ITPK1: variants seen among roughly 807,000 people sequenced by gnomAD.
The protein encoded by ITPK1 is inositol 1,3,4-trisphosphate 5/6-kinase.
Under a neutral mutation model 45.3 loss-of-function variants are expected in ITPK1, and 21 were observed. The observed-to-expected ratio is 0.46, with a 90% CI of 0.33 to 0.67. ITPK1 has a LOEUF of 0.67. Among genes scored for constraint, ITPK1 ranks in the 30% least tolerant of loss-of-function variants. The probability of loss-of-function intolerance (pLI) is 0.02; values close to 1 mark genes in which losing one functional copy is unlikely to be tolerated. For missense variants in ITPK1, 474 were observed against 573.5 expected, an observed-to-expected ratio of 0.83 and a Z score of 1.77; for synonymous variants, 258 against 253.6, an observed-to-expected ratio of 1.02 and a Z score of -0.16.
At chr14:93,033,174 C>A (rs188881953) in intron 3 of ITPK1, among the ~76,000 whole-genome samples, 24 of 152,338 alleles carry the variant, frequency 1.6e-4, no homozygotes, top group Admixed American at 4.6e-4. Context: ...TTCCTGCAAT[C>A]CTACAGGTGA....
chr14:92,970,071 A>T (rs1349027191), intron 5 of ITPK1, among the ~76,000 whole-genome samples: 1 of 152,126 alleles, frequency 6.6e-6, no homozygotes, highest in South Asian at 2.1e-4. Flanking sequence ...CATCCACTCC[A>T]CCAGGTGACC....
chr14:93,072,093 A>G (rs1891031156), intron 3 of ITPK1: 1 of 151,522 alleles, frequency 6.6e-6, no homozygotes, highest in African/African-American at 2.4e-5. Context: ...CAGCAGTTCA[A>G]GACCAGCCTG....
intron 3 of ITPK1, among the ~76,000 whole-genome samples, chr14:93,028,132 T>C (rs1888839967): frequency 6.6e-6 from 1 of 152,234 alleles, no homozygotes; most frequent in Non-Finnish European, 1.5e-5. Context: ...GGACGCGTCC[T>C]GGCCAACAGA....
rs1224994582 is a variant in ITPK1, at chr14:93,114,319, GT to G, written c.95+749del. On this transcript the variant is annotated intron_variant, in intron 2 of 10. Transcript: ENST00000267615. ...GACTCCGCCAAGGAGCACCAGCATGGTGGGAGCAGGGGCACACAGCCCAGAT... is the reference window on the plus strand; with the variant it reads ...GACTCCGCCAAGGAGCACCAGCATGGGGGAGCAGGGGCACACAGCCCAGAT... 3.3e-5 allele frequency among the ~76,000 whole-genome samples: 5 copies of G among 152,348 alleles called. No homozygotes were observed. In the East Asian group the frequency reaches 9.7e-4, roughly 29 times the overall value.
intron 3 of ITPK1, among the ~76,000 whole-genome samples, chr14:93,042,065 TCA>T (rs980057351): frequency 6.6e-6 from 1 of 152,168 alleles, no homozygotes; most frequent in Admixed American, 6.5e-5. Flanking sequence ...TGCTGGGTCC[TCA>T]CAGACTTCCT....
In ITPK1 at chr14:93,052,043, A is replaced by AG. The variant is rs561533701; in HGVS notation, c.120+24551dup. 1.5e-4 allele frequency among the ~76,000 whole-genome samples: 23 copies of AG among 152,276 alleles called. 1 individual carries two copies. The South Asian group carries it at 4.8e-3, about 32-fold the overall frequency. On this transcript the variant is annotated intron_variant, in intron 3 of 10. Transcript: ENST00000267615. ...GGGGAGCGCCTTCATCTCTGCCTGG[A>AG]GGGGCCACGTGGTGGAAGGGGAATA...
At chr14:92,979,381 C>A (rs1035733526) in intron 5 of ITPK1, among the ~76,000 whole-genome samples, 3 of 152,162 alleles carry the variant, frequency 2.0e-5, no homozygotes, top group Non-Finnish European at 4.4e-5. Context: ...TGAGTTAAGA[C>A]TTTGGGGGGC....
intron 5 of ITPK1, among the ~76,000 whole-genome samples, chr14:92,963,588 C>G (rs1162456805): frequency 1.3e-5 from 2 of 152,232 alleles, no homozygotes; most frequent in Non-Finnish European, 2.9e-5. Context: ...GTCCCCCTGC[C>G]AATTCCTCCT....
At chr14:92,948,681 T>G (rs1595077391) in intron 9 of ITPK1, among the ~76,000 whole-genome samples, 4 of 150,354 alleles carry the variant, frequency 2.7e-5, no homozygotes, top group African/African-American at 9.8e-5. Context: ...TCGACAGGGC[T>G]GGGGACAGAG....
chr14:93,080,384 A>G (rs186738497), intron 2 of ITPK1, among the ~76,000 whole-genome samples: 15 of 152,342 alleles, frequency 9.8e-5, no homozygotes, highest in East Asian at 9.6e-4. Context: ...ACTGGAAAAT[A>G]TATTTTTTAA....
In ITPK1 at chr14:92,938,714, T is replaced by A; in HGVS notation, c.*2847A>T. On this transcript the variant is annotated 3_prime_UTR_variant, in exon 11 of 11. Transcript: ENST00000267615. ...CCACGTGTGGACCCAGACACCTCCA[T>A]GACACCAAGGGCAAAGCACCAGTTC... The A allele has an allele frequency of 1.6e-6, 1 of 612,112 alleles. No individual in the cohort carries two copies. 37.9% of individuals were successfully genotyped at this position (612,112 alleles called of 1,614,324 possible). A position where few individuals can be genotyped will look rare whatever the true frequency, so the allele number is the denominator to read the frequency against.
At chr14:93,038,548 G>A (rs1183459971) in intron 3 of ITPK1, among the ~76,000 whole-genome samples, 1 of 152,066 alleles carries the variant, frequency 6.6e-6, no homozygotes, top group Non-Finnish European at 1.5e-5. Flanking sequence ...TGTTTTTTGA[G>A]ACAGAGTCTC....
intron 2 of ITPK1, 45 bp downstream of exon 2, chr14:93,115,024 C>T (rs1448816081): frequency 5.3e-6 from 7 of 1,316,516 alleles, no homozygotes; most frequent in African/African-American, 1.5e-5. Context: ...GGTCACCGGG[C>T]TCGGGCCGGG....
At chr14:92,966,649 A>G (rs1595094291) in intron 5 of ITPK1, among the ~76,000 whole-genome samples, 1 of 152,266 alleles carries the variant, frequency 6.6e-6, no homozygotes, top group Non-Finnish European at 1.5e-5. Context: ...ATCTGGAAAA[A>G]GAAAAACAAA....
At chr14:93,101,667 G>A (rs1892325837) in intron 2 of ITPK1, among the ~76,000 whole-genome samples, 1 of 152,186 alleles carries the variant, frequency 6.6e-6, no homozygotes, top group South Asian at 2.1e-4. Flanking sequence ...TGGCCAATGT[G>A]GCAAAACCCC....
chr14:92,966,687 G>T (rs112210932), intron 5 of ITPK1, among the ~76,000 whole-genome samples: 1 of 152,142 alleles, frequency 6.6e-6, no homozygotes, highest in African/African-American at 2.4e-5. Flanking sequence ...TCCTCAATAC[G>T]AAACTTACTA....
chr14:93,010,391 C>T (rs771682696), intron 4 of ITPK1, among the ~76,000 whole-genome samples: 17 of 152,348 alleles, frequency 1.1e-4, no homozygotes, highest in Middle Eastern at 3.4e-3. Context: ...TTGTGGCAAA[C>T]GTGAACCGCG....
rs776501911 is a variant in ITPK1, at chr14:92,940,821, C to T, written c.*740G>A. The T allele has an allele frequency of 7.0e-6, 9 of 1,286,938 alleles. No individual in the cohort carries two copies. Among genetic ancestry groups the T allele is most frequent in the Non-Finnish European group, 8.1e-6 (8 of 987,632 alleles). The allele number at this position is 1,286,938 out of a possible 1,614,324, so 79.7% of individuals were successfully genotyped here. On this transcript the variant is annotated 3_prime_UTR_variant, in exon 11 of 11. Transcript: ENST00000267615. ...GGCCTCCAGCCAGGCAGCCTCCTTC[C>T]CGGGCTCCAGGGAGCAGCAGTGCTG...
intron 8 of ITPK1, among the ~76,000 whole-genome samples, chr14:92,953,074 C>T (rs1256950624): frequency 1.3e-5 from 2 of 152,228 alleles, no homozygotes; most frequent in African/African-American, 2.4e-5. Flanking sequence ...CGCCTATGTG[C>T]GAGGACAGGA....
Sources: gnomAD v4.1 joint callset for allele counts (sites outside exome capture counted in the v4.1 genomes callset) on GRCh38, gnomAD v4.1.1 for gene constraint, MANE v1.5 for transcripts, NCBI Gene and HGNC (gene_info 2026-07-23, HGNC 2026-07-21) for gene names.